The following LRBA variants were observed in gnomAD, a reference collection of about 807,000 sequenced individuals.
LRBA encodes the protein lipopolysaccharide-responsive and beige-like anchor protein.
LRBA carries 176 observed loss-of-function variants against 330.0 expected under a neutral mutation model. The ratio of observed to expected loss-of-function variants is 0.53; its 90% CI spans 0.47 to 0.60. LRBA has a LOEUF of 0.60. Among genes scored for constraint, LRBA ranks in the 20% least tolerant of loss-of-function variants. LRBA has a pLI of 0.00. For missense variants in LRBA, 3,259 were observed against 3,444.8 expected, an observed-to-expected ratio of 0.95 and a Z score of 1.35; for synonymous variants, 1,230 against 1,193.0, an observed-to-expected ratio of 1.03 and a Z score of -0.64.
intron 2 of LRBA, among the ~76,000 whole-genome samples, chr4:150,995,709 G>C (rs1742560536): frequency 1.3e-5 from 2 of 152,038 alleles, no homozygotes; most frequent in Admixed American, 1.3e-4. Context: ...ATCCAGAGTT[G>C]AGTAAACAAG....
chr4:150,344,586 G>C (rs1736022873), intron 48 of LRBA, among the ~76,000 whole-genome samples: 1 of 152,146 alleles, frequency 6.6e-6, no homozygotes, highest in African/African-American at 2.4e-5. Flanking sequence ...TTTAAAGATA[G>C]GGTCTTACTC....
chr4:150,697,413 G>GA (rs1368729595), intron 36 of LRBA, among the ~76,000 whole-genome samples: 2 of 142,832 alleles, frequency 1.4e-5, no homozygotes, highest in Non-Finnish European at 3.1e-5. Flanking sequence ...GAAAGGGATA[G>GA]AAAAAATAAA....
chr4:150,461,108 GACA>G (rs1422056763), intron 44 of LRBA, among the ~76,000 whole-genome samples: 1 of 151,720 alleles, frequency 6.6e-6, no homozygotes, highest in Non-Finnish European at 1.5e-5. Flanking sequence ...CTGGGATAAA[GACA>G]ACAAGAGTAG....
At position 150,817,254 on chromosome 4, in the gene LRBA, A is replaced by G. The variant is rs1744739260; in HGVS notation, c.5175T>C (p.Ser1725=). The G allele has an allele frequency of 6.2e-7, 1 of 1,611,498 alleles. No individual in the cohort carries two copies. Among genetic ancestry groups the G allele is most frequent in the Non-Finnish European group, 8.5e-7 (1 of 1,178,218 alleles). Residue 1725 remains serine, a synonymous_variant, in exon 31 of 57, where the codon AGT becomes AGC. Transcript: ENST00000651943. ...CTGACTTTTTTGCTGCAACAATGAC[A>G]CTTCTGTAATAAAGAAAGTAAACAG... ...QPVQFRSFDR[S]VIVAAKKSAV... is the part of the protein sequence containing the mutation.
At chr4:150,941,568 T>C (rs1270424747) in intron 2 of LRBA, among the ~76,000 whole-genome samples, 1 of 152,224 alleles carries the variant, frequency 6.6e-6, no homozygotes, top group African/African-American at 2.4e-5. Context: ...TTTGGAAATA[T>C]CATATTTTCT....
intron 36 of LRBA, among the ~76,000 whole-genome samples, chr4:150,684,182 T>C (rs12505967): frequency 0.71 from 108,294 of 152,164 alleles, 43,102 homozygotes; most frequent in Non-Finnish European, 0.9. Context: ...AGTGAAGTGA[T>C]AAATTTACAT....
intron 33 of LRBA, among the ~76,000 whole-genome samples, chr4:150,805,172 G>GA (rs1315394262): frequency 3.0e-4 from 22 of 72,470 alleles, no homozygotes; most frequent in Middle Eastern, 0.015. Flanking sequence ...TGCGCAAAAA[G>GA]AAAAAAAAAA....
Position 150,305,348 on chromosome 4 carries a change from A to G in LRBA, c.7850-2556T>C, listed in dbSNP as rs538721389. 7.2e-5 allele frequency among the ~76,000 whole-genome samples: 11 copies of G among 152,342 alleles called. No homozygotes were observed. The South Asian group carries it at 2.3e-3, about 32-fold the overall frequency. ...TGTTTCTCCAATGTCAGTGTAAGGA[A>G]ACATACATTCAGTCATGGTGGTTCC... is the stretch of plus-strand genomic sequence containing the variant. On this transcript the variant is annotated intron_variant, in intron 52 of 56. Transcript: ENST00000651943.
chr4:150,325,236 C>G (rs937842279), intron 49 of LRBA, among the ~76,000 whole-genome samples: 1 of 151,936 alleles, frequency 6.6e-6, no homozygotes, highest in Non-Finnish European at 1.5e-5. Flanking sequence ...GTGAGTGAGG[C>G]GAGGTGAAAA....
intron 47 of LRBA, among the ~76,000 whole-genome samples, chr4:150,378,771 CACAA>C (rs1396615972): frequency 6.6e-6 from 1 of 152,088 alleles, no homozygotes; most frequent in Non-Finnish European, 1.5e-5. Context: ...AAAGCAAGAG[CACAA>C]ACAAATGTCT....
intron 40 of LRBA, among the ~76,000 whole-genome samples, chr4:150,534,998 T>C (rs1047092782): frequency 1.3e-5 from 2 of 152,224 alleles, no homozygotes; most frequent in African/African-American, 4.8e-5. Flanking sequence ...ACATAATTAA[T>C]GTTAAACAGC....
At chr4:150,747,215 A>G (rs1732865129) in intron 35 of LRBA, among the ~76,000 whole-genome samples, 1 of 152,040 alleles carries the variant, frequency 6.6e-6, no homozygotes, top group Admixed American at 6.6e-5. Flanking sequence ...TATCTAACCT[A>G]CCTTCAAAGC....
intron 34 of LRBA, among the ~76,000 whole-genome samples, chr4:150,787,957 A>G (rs999504898): frequency 6.6e-6 from 1 of 152,210 alleles, no homozygotes; most frequent in African/African-American, 2.4e-5. Context: ...ATATATACCC[A>G]GCAGTCAGAT....
At chr4:150,876,087 C>T (rs1754001313) in intron 17 of LRBA, among the ~76,000 whole-genome samples, 1 of 152,108 alleles carries the variant, frequency 6.6e-6, no homozygotes, top group African/African-American at 2.4e-5. Context: ...CAAAACAAGA[C>T]TGAAAGTTTT....
Position 150,892,224 on chromosome 4 carries a change from T to C in LRBA, c.2165+828A>G, listed in dbSNP as rs533461417. ...TCTCATTAAACAAAAGATTTTAAAC[T>C]TCCTTATACGTAAAATAGAGGTATT... is the stretch of plus-strand genomic sequence containing the variant. On this transcript the variant is annotated intron_variant, in intron 17 of 56. Coordinates refer to ENST00000651943, the MANE Select transcript of LRBA (RefSeq NM_001364905.1). Among the ~76,000 whole-genome samples, 10 of 152,356 alleles carry C rather than the reference T, an allele frequency of 6.6e-5. No homozygotes were observed. In the East Asian group the frequency reaches 1.5e-3, roughly 23 times the overall value.
At chr4:150,968,827 A>C (rs927997354) in intron 2 of LRBA, among the ~76,000 whole-genome samples, 1 of 152,212 alleles carries the variant, frequency 6.6e-6, no homozygotes, top group African/African-American at 2.4e-5. Context: ...TACAGATATG[A>C]AATCAATGCC....
chr4:150,814,522 A>T (rs1744263471), intron 31 of LRBA, among the ~76,000 whole-genome samples: 1 of 152,068 alleles, frequency 6.6e-6, no homozygotes, highest in African/African-American at 2.4e-5. Flanking sequence ...TAACAAGAAC[A>T]CAGTGAAAGA....
intron 37 of LRBA, among the ~76,000 whole-genome samples, chr4:150,651,499 GTTCA>G (rs147565262): frequency 2.4e-4 from 37 of 152,136 alleles, no homozygotes; most frequent in Non-Finnish European, 4.4e-4. Flanking sequence ...CTACCACAGA[GTTCA>G]TTCATTCATT....
At chr4:151,013,953 C>T (rs1745140331) in intron 2 of LRBA, 1 of 152,878 alleles carries the variant, frequency 6.5e-6, no homozygotes, top group African/African-American at 2.4e-5. Flanking sequence ...AAAATACTAA[C>T]TTTGCAGCAA....
Sources: gnomAD v4.1 joint callset for allele counts (sites outside exome capture counted in the v4.1 genomes callset) on GRCh38, gnomAD v4.1.1 for gene constraint, MANE v1.5 for transcripts, NCBI Gene and HGNC (gene_info 2026-07-23, HGNC 2026-07-21) for gene names.